VOPP1: variants seen among roughly 807,000 people sequenced by gnomAD.
The protein encoded by VOPP1 is WW domain binding protein VOPP1.
In VOPP1, 8 loss-of-function variants were observed where a neutral mutation model predicts 23.5. That is an observed-to-expected ratio of 0.34 (90% CI 0.20 to 0.61). The LOEUF is 0.61. VOPP1 is among the 20% of genes least tolerant of loss of function. The pLI, the probability that VOPP1 is intolerant of heterozygous loss-of-function variation, is 0.78. For missense variants in VOPP1, 174 were observed against 238.1 expected (o/e 0.73, Z 1.77); for synonymous variants, 83 against 97.3 (o/e 0.85, Z 0.86).
intron 1 of VOPP1, among the ~76,000 whole-genome samples, chr7:55,550,603 T>G (rs970425627): frequency 2.6e-5 from 4 of 152,124 alleles, no homozygotes; most frequent in African/African-American, 9.7e-5. Context: ...TCTTACAATA[T>G]ATAAAAACGG....
intron 4 of VOPP1, among the ~76,000 whole-genome samples, chr7:55,482,267 C>A (rs910185920): frequency 2.0e-5 from 3 of 152,056 alleles, no homozygotes; most frequent in African/African-American, 7.2e-5. Flanking sequence ...TGTACATTTC[C>A]TCTTGAGGTA....
At chr7:55,510,106 A>T (rs1294220985) in intron 2 of VOPP1, among the ~76,000 whole-genome samples, 1 of 152,224 alleles carries the variant, frequency 6.6e-6, no homozygotes, top group East Asian at 1.9e-4. Flanking sequence ...GCAACCAGTT[A>T]CTGGTAGAAG....
At chr7:55,543,281 T>C (rs1368889511) in intron 1 of VOPP1, among the ~76,000 whole-genome samples, 1 of 152,194 alleles carries the variant, frequency 6.6e-6, no homozygotes, top group Admixed American at 6.5e-5. Context: ...ATTTTCCTTA[T>C]CCATGTGTCC....
chr7:55,511,031 C>T (rs1795037389), intron 2 of VOPP1, among the ~76,000 whole-genome samples: 1 of 152,210 alleles, frequency 6.6e-6, no homozygotes, highest in Admixed American at 6.5e-5. Flanking sequence ...CAGACATGAC[C>T]TTGAGAGCAA....
At chr7:55,454,992 C>A (rs1230628028) in intron 4 of VOPP1, among the ~76,000 whole-genome samples, 1 of 152,078 alleles carries the variant, frequency 6.6e-6, no homozygotes. Context: ...AAAGCGTATT[C>A]AATTAGGAAA....
At chr7:55,452,698 G>A (rs1344409725) in intron 4 of VOPP1, among the ~76,000 whole-genome samples, 2 of 152,182 alleles carry the variant, frequency 1.3e-5, no homozygotes, top group Non-Finnish European at 2.9e-5. Context: ...GGGTGATTAG[G>A]TCTTTTGTCA....
At position 55,471,783 on chromosome 7, in the gene VOPP1, A is replaced by AGCTCCTCCTCCTTGGAGCCCAGCAC. The variant is rs1448617063; in HGVS notation, c.*1047_*1071dup. ...GTACTTCTCCTGTCTTTTCCCAGCA[A>AGCTCCTCCTCCTTGGAGCCCAGCAC]GCTCCTCCTCCTTGGAGCCCAGCAC... On this transcript the variant is annotated 3_prime_UTR_variant, in exon 5 of 5. Coordinates refer to ENST00000285279, the MANE Select transcript of VOPP1 (RefSeq NM_030796.5). The AGCTCCTCCTCCTTGGAGCCCAGCAC allele has an allele frequency of 1.1e-3, 164 of 151,822 alleles. 1 individual carries two copies. The highest frequency in any genetic ancestry group is 3.4e-3 in the African/African-American group (140 of 41,360). The allele number at this position is 151,822 out of a possible 1,614,324, so 9.4% of individuals were successfully genotyped here. A position where few individuals can be genotyped will look rare whatever the true frequency, so the allele number is the denominator to read the frequency against.
intron 2 of VOPP1, among the ~76,000 whole-genome samples, chr7:55,506,556 C>G (rs1268380819): frequency 6.6e-6 from 1 of 150,558 alleles, no homozygotes; most frequent in Non-Finnish European, 1.5e-5. Flanking sequence ...AGGCTGGTCT[C>G]AAACTCCTGA....
chr7:55,461,302 T>C (rs1335084895), intron 4 of VOPP1, among the ~76,000 whole-genome samples: 5 of 152,118 alleles, frequency 3.3e-5, no homozygotes, highest in Admixed American at 6.6e-5. Context: ...GCTTGGGTGA[T>C]GGGTGCATCA....
intron 1 of VOPP1, among the ~76,000 whole-genome samples, chr7:55,544,008 C>T (rs993495199): frequency 6.6e-6 from 1 of 152,188 alleles, no homozygotes; most frequent in Non-Finnish European, 1.5e-5. Context: ...TGAAGCATTT[C>T]CCCAAAGTTT....
At position 55,525,483 on chromosome 7, in the gene VOPP1, C is replaced by T. The variant is rs1425243562; in HGVS notation, c.55-4353G>A. ...CAGCCTGGGCGACAGAGCGAGACTC[C>T]GTCTCCAAAAAAAAAAAAAAAGAGT... is the stretch of plus-strand genomic sequence containing the variant. On this transcript the variant is annotated intron_variant, in intron 1 of 4. Coordinates refer to ENST00000285279, the MANE Select transcript of VOPP1 (RefSeq NM_030796.5). Among the ~76,000 whole-genome samples, 7 of 139,592 alleles carry T rather than the reference C, an allele frequency of 5.0e-5. No homozygotes were observed. The East Asian group carries it at 1.4e-3, about 28-fold the overall frequency. 91.6% of individuals were successfully genotyped at this position (139,592 alleles called of 152,430 possible).
chr7:55,521,708 C>T lies in VOPP1; in HGVS notation c.55-578G>A, dbSNP rs139948319. ...CAGGTAAGTCCAGCTCCTAACATCC[C>T]GGAGGCAGGGCCCAGCCCCACAGGG... On this transcript the variant is annotated intron_variant, in intron 1 of 4. Coordinates refer to ENST00000285279, the MANE Select transcript of VOPP1 (RefSeq NM_030796.5). The T allele has an allele frequency of 1.2e-4, 114 of 986,322 alleles. No homozygotes were observed. In the African/African-American group the frequency reaches 1.5e-3, roughly 13 times the overall value. The allele number at this position is 986,322 out of a possible 1,614,324, so 61.1% of individuals were successfully genotyped here. A position where few individuals can be genotyped will look rare whatever the true frequency, so the allele number is the denominator to read the frequency against.
intron 4 of VOPP1, among the ~76,000 whole-genome samples, chr7:55,459,489 A>C (rs1049802633): frequency 6.6e-6 from 1 of 152,138 alleles, no homozygotes; most frequent in Non-Finnish European, 1.5e-5. Context: ...TTCAGCAATA[A>C]AGTCATCCAC....
intron 2 of VOPP1, among the ~76,000 whole-genome samples, chr7:55,509,484 C>A (rs1794936416): frequency 6.6e-6 from 1 of 152,150 alleles, no homozygotes; most frequent in African/African-American, 2.4e-5. Flanking sequence ...GGACAGAGCC[C>A]TCATGACTTA....
In VOPP1 at chr7:55,500,156, T is replaced by C. The variant is rs578059720; in HGVS notation, c.114-2466A>G. Among the ~76,000 whole-genome samples, 18 of 152,192 alleles carry C rather than the reference T, an allele frequency of 1.2e-4. No individual in the cohort carries two copies. The South Asian group carries it at 2.1e-3, about 18-fold the overall frequency. On this transcript the variant is annotated intron_variant, in intron 2 of 4. Transcript: ENST00000285279. Reference sequence around the variant, plus strand: ...CAGAATGCAACCATGGCCCGAAGAATTGCACCCCTCAGAGAACCCACCCTG... The same window carrying C: ...CAGAATGCAACCATGGCCCGAAGAACTGCACCCCTCAGAGAACCCACCCTG...
chr7:55,515,481 ATGTGC>A (rs1402856305), intron 2 of VOPP1, among the ~76,000 whole-genome samples: 1 of 152,210 alleles, frequency 6.6e-6, no homozygotes, highest in African/African-American at 2.4e-5. Flanking sequence ...CAGTGTTAAA[ATGTGC>A]CAAAGGAAAC....
At chr7:55,547,224 G>C (rs1211149008) in intron 1 of VOPP1, among the ~76,000 whole-genome samples, 1 of 152,130 alleles carries the variant, frequency 6.6e-6, no homozygotes, top group Non-Finnish European at 1.5e-5. Flanking sequence ...TCTGAGGCTG[G>C]GGACGGGGGA....
intron 2 of VOPP1, among the ~76,000 whole-genome samples, chr7:55,513,257 C>T (rs771273624): frequency 5.3e-5 from 8 of 152,154 alleles, no homozygotes; most frequent in Non-Finnish European, 7.4e-5. Context: ...TACACACTGG[C>T]TCCCTCCCAC....
chr7:55,456,858 T>C (rs971436880), intron 4 of VOPP1, among the ~76,000 whole-genome samples: 34 of 151,224 alleles, frequency 2.2e-4, no homozygotes, highest in African/African-American at 8.3e-4. Flanking sequence ...AGATGATGGG[T>C]TGATGGGTGC....
Sources: allele counts gnomAD v4.1 joint callset (sites outside exome capture counted in the v4.1 genomes callset), GRCh38; gene constraint gnomAD v4.1.1; transcripts MANE v1.5; gene names NCBI Gene and HGNC (gene_info 2026-07-23, HGNC 2026-07-21).